CORO7: variants seen among roughly 807,000 people sequenced by gnomAD.
CORO7 encodes coronin 7, also known as coronin-7.
A neutral mutation model predicts 126.6 loss-of-function variants in CORO7; 107 were observed. The observed-to-expected ratio is 0.85, with a 90% confidence interval of 0.72 to 0.99. The LOEUF (loss-of-function observed/expected upper bound fraction) is 0.99, where lower values mean the gene tolerates loss of function less well. Among genes scored for constraint, CORO7 ranks in the 50% least tolerant of loss-of-function variants. CORO7 has a pLI of 0.00. For synonymous variants in CORO7, 603 were observed against 536.8 expected, an observed-to-expected ratio of 1.12 and a Z score of -1.70; for missense variants, 1,314 against 1,255.8, an observed-to-expected ratio of 1.05 and a Z score of -0.70.
At chr16:4,406,359 G>A (rs1244304541) in intron 5 of CORO7, among the ~76,000 whole-genome samples, 1 of 152,012 alleles carries the variant, frequency 6.6e-6, no homozygotes, top group Non-Finnish European at 1.5e-5. Context: ...GCAGTGGTGT[G>A]ATCATAGCTA....
chr16:4,410,843 A>C (rs904067417), intron 3 of CORO7, among the ~76,000 whole-genome samples: 4 of 152,216 alleles, frequency 2.6e-5, no homozygotes, highest in African/African-American at 4.8e-5. Flanking sequence ...ACCACAGACT[A>C]TACATCAATG....
chr16:4,409,349 G>A (rs1271071116), intron 3 of CORO7, among the ~76,000 whole-genome samples: 2 of 152,272 alleles, frequency 1.3e-5, no homozygotes, highest in Admixed American at 6.5e-5. Context: ...ACTCTGGGGT[G>A]TGCTTGCTGG....
At chr16:4,370,855 G>A (rs994183200) in intron 9 of CORO7, among the ~76,000 whole-genome samples, 1 of 152,270 alleles carries the variant, frequency 6.6e-6, no homozygotes, top group Non-Finnish European at 1.5e-5. Flanking sequence ...AAGGGCCTTG[G>A]CTACAGGCCG....
At chr16:4,389,620 C>T (rs1268390645) in intron 7 of CORO7, among the ~76,000 whole-genome samples, 2 of 152,186 alleles carry the variant, frequency 1.3e-5, no homozygotes, top group Non-Finnish European at 2.9e-5. Context: ...CTCACTGTTC[C>T]CTTCCCACCA....
At chr16:4,356,669 G>A (rs2053985659) in intron 26 of CORO7, 1 of 166,406 alleles carries the variant, frequency 6.0e-6, no homozygotes, top group Admixed American at 5.6e-5. Context: ...CTGAGCTCAA[G>A]CAATCCGCCT....
chr16:4,392,814 G>C (rs2055441904), intron 7 of CORO7, among the ~76,000 whole-genome samples: 2 of 152,196 alleles, frequency 1.3e-5, no homozygotes, highest in Admixed American at 6.5e-5. Flanking sequence ...GCCACACGGA[G>C]AGCGGCATTC....
chr16:4,401,320 G>A (rs1373795801), intron 6 of CORO7, among the ~76,000 whole-genome samples: 11 of 152,248 alleles, frequency 7.2e-5, no homozygotes, highest in Middle Eastern at 3.2e-3. Flanking sequence ...CAAGGGGGCC[G>A]TGGGCACACG....
intron 9 of CORO7, chr16:4,381,538 C>G (rs1391498294): frequency 6.2e-7 from 1 of 1,604,644 alleles, no homozygotes; most frequent in Middle Eastern, 1.7e-4. Flanking sequence ...CCTCCACGAC[C>G]TGGATGTGTC....
At chr16:4,368,388 C>T (rs2054413774) in intron 9 of CORO7, among the ~76,000 whole-genome samples, 1 of 151,926 alleles carries the variant, frequency 6.6e-6, no homozygotes, top group African/African-American at 2.4e-5. Context: ...GTAGTGCACA[C>T]CTGTGGTCCA....
At chr16:4,377,974 G>C (rs1437295787) in intron 9 of CORO7, among the ~76,000 whole-genome samples, 2 of 152,286 alleles carry the variant, frequency 1.3e-5, no homozygotes, top group Admixed American at 6.5e-5. Flanking sequence ...GCCACCCTGT[G>C]GCCAGATGGA....
At chr16:4,400,136 C>T (rs982657389) in intron 6 of CORO7, among the ~76,000 whole-genome samples, 3 of 152,168 alleles carry the variant, frequency 2.0e-5, no homozygotes, top group African/African-American at 7.2e-5. Flanking sequence ...TTATGTCATG[C>T]ATTTATCACA....
chr16:4,362,800 GC>G lies in CORO7; in HGVS notation c.1276-63del. The G allele has an allele frequency of 7.8e-7, 1 of 1,282,188 alleles. No individual in the cohort carries two copies. Among genetic ancestry groups the G allele is most frequent in the Non-Finnish European group, 9.9e-7 (1 of 1,011,822 alleles). 79.4% of individuals were successfully genotyped at this position (1,282,188 alleles called of 1,614,324 possible). A position where few individuals can be genotyped will look rare whatever the true frequency, so the allele number is the denominator to read the frequency against. On this transcript the variant is annotated intron_variant, in intron 14 of 27. Transcript: ENST00000251166. This position sits in a 1 kb window ranked among gnomAD's most constrained non-coding sequence, Gnocchi z 5.3. The stretch of plus-strand genomic sequence containing the variant: ...GGTGTACTGGCCAAAAGGAGGGGGT[GC>G]CAGCGGACTCCAGGGTCACCACTCT...
At chr16:4,375,100 C>A (rs879578791) in intron 9 of CORO7, among the ~76,000 whole-genome samples, 3 of 152,192 alleles carry the variant, frequency 2.0e-5, no homozygotes, top group Non-Finnish European at 4.4e-5. Flanking sequence ...ACAGGTTGCA[C>A]CTCTTGTGAC....
rs1298554937 is a variant in CORO7, at chr16:4,405,517, C to T, written c.538G>A (p.Gly180Arg). ...TTGCACGCCGTGCCCACCAGGGCTC[C>T]ATCTCGGCTCCAGACGGCGCTCTGC... Reference protein sequence around the residue: ...LVQSAVWSRDGALVGTACKDK... With the variant: ...LVQSAVWSRDRALVGTACKDK... The change falls in exon 6 of 28, where the codon GGA (glycine) becomes AGA (arginine). Residue 180 changes from glycine (G) to arginine (R), a missense_variant. By Grantham distance (125) the Gly-to-Arg change is moderately radical. Transcript: ENST00000251166. 1.2e-6 allele frequency: 2 copies of T among 1,612,938 alleles called. No homozygotes were observed. Among genetic ancestry groups the T allele is most frequent in the Non-Finnish European group, 8.5e-7 (1 of 1,179,916 alleles).
chr16:4,373,141 G>A (rs982614980), intron 9 of CORO7, among the ~76,000 whole-genome samples: 20 of 152,144 alleles, frequency 1.3e-4, no homozygotes, highest in Admixed American at 9.2e-4. Flanking sequence ...TGGGGCAGGC[G>A]GGTGGGGGAT....
At chr16:4,373,577 G>A (rs138427953) in intron 9 of CORO7, among the ~76,000 whole-genome samples, 1 of 152,202 alleles carries the variant, frequency 6.6e-6, no homozygotes, top group African/African-American at 2.4e-5. Context: ...CTGGCACGCA[G>A]CCCAGGGGCC....
At chr16:4,376,679 C>T (rs896265818) in intron 9 of CORO7, among the ~76,000 whole-genome samples, 1 of 152,136 alleles carries the variant, frequency 6.6e-6, no homozygotes, top group Non-Finnish European at 1.5e-5. Flanking sequence ...GGTGGGTGGG[C>T]GTCCCCCTGG....
At chr16:4,413,876 C>G (rs536025005) in intron 1 of CORO7, among the ~76,000 whole-genome samples, 7 of 151,832 alleles carry the variant, frequency 4.6e-5, no homozygotes, top group Admixed American at 2.0e-4. Context: ...TCCCCACTCA[C>G]GAAGTCCCTT....
rs55837244 is a variant in CORO7, at chr16:4,395,996, T to TGTGTGTGTGTGTGTGTG, written c.565-658_565-657insCACACACACACACACAC. 3.7e-3 allele frequency among the ~76,000 whole-genome samples: 552 copies of TGTGTGTGTGTGTGTGTG among 151,222 alleles called. 3 individuals are homozygous for TGTGTGTGTGTGTGTGTG. The highest frequency in any genetic ancestry group is 7.9e-3 in the African/African-American group (324 of 41,230). ...AACAATGTGTGTGTGCATGCACACG[T>TGTGTGTGTGTGTGTGTG]TGTGTGTGTGTGTGTACACAAACAT... On this transcript the variant is annotated intron_variant, in intron 6 of 27. Coordinates refer to ENST00000251166, the MANE Select transcript of CORO7 (RefSeq NM_024535.5).
Sources: gnomAD v4.1 joint callset for allele counts (sites outside exome capture counted in the v4.1 genomes callset) on GRCh38, gnomAD v4.1.1 for gene constraint, Gnocchi (gnomAD v3.1) non-coding constraint, MANE v1.5 for transcripts, NCBI Gene and HGNC (gene_info 2026-07-23, HGNC 2026-07-21) for gene names.